The following GALNTL6 variants were observed in gnomAD, a reference collection of about 807,000 sequenced individuals.
GALNTL6 encodes the protein polypeptide N-acetylgalactosaminyltransferase-like 6.
In GALNTL6, 46 loss-of-function variants were observed where a neutral mutation model predicts 73.7. The observed-to-expected ratio is 0.62, with a 90% CI of 0.49 to 0.80. The LOEUF (loss-of-function observed/expected upper bound fraction) is 0.80, where lower values mean the gene tolerates loss of function less well. Ranked by LOEUF, GALNTL6 falls within the 30% of genes least tolerant of loss-of-function variation. The pLI, the probability that GALNTL6 is intolerant of heterozygous loss-of-function variation, is 0.00. For missense variants in GALNTL6, 604 were observed against 755.0 expected (o/e 0.80, Z 2.34); for synonymous variants, 259 against 263.7 (o/e 0.98, Z 0.17).
intron 2 of GALNTL6, among the ~76,000 whole-genome samples, chr4:172,116,342 T>C (rs556761218): frequency 1.8e-4 from 27 of 152,280 alleles, no homozygotes; most frequent in Middle Eastern, 3.4e-3. Flanking sequence ...TAATAAATTT[T>C]TGAAAAATCC....
At chr4:172,213,199 T>C (rs1233361780) in intron 2 of GALNTL6, among the ~76,000 whole-genome samples, 1 of 152,194 alleles carries the variant, frequency 6.6e-6, no homozygotes, top group African/African-American at 2.4e-5. Context: ...TTGAAGGACA[T>C]CTTAGTTGCT....
chr4:172,120,150 A>C (rs1733108494), intron 2 of GALNTL6, among the ~76,000 whole-genome samples: 1 of 152,234 alleles, frequency 6.6e-6, no homozygotes, highest in African/African-American at 2.4e-5. Flanking sequence ...TAATAGAGCC[A>C]TAATAGGGTC....
intron 5 of GALNTL6, among the ~76,000 whole-genome samples, chr4:172,705,758 G>C (rs1404316001): frequency 6.6e-6 from 1 of 151,982 alleles, no homozygotes; most frequent in Non-Finnish European, 1.5e-5. Flanking sequence ...ATTCTTGGTT[G>C]ACAGTTTTTT....
At chr4:172,884,178 T>C (rs1745598922) in intron 8 of GALNTL6, among the ~76,000 whole-genome samples, 1 of 152,178 alleles carries the variant, frequency 6.6e-6, no homozygotes, top group Admixed American at 6.5e-5. Flanking sequence ...TATTTTAGTA[T>C]TTTGAGGACG....
intron 4 of GALNTL6, among the ~76,000 whole-genome samples, chr4:172,315,777 C>T (rs1740523916): frequency 6.7e-6 from 1 of 149,002 alleles, no homozygotes; most frequent in African/African-American, 2.5e-5. Flanking sequence ...ATCTCGGTGG[C>T]CTGGTTTTAT....
chr4:172,877,825 C>T (rs903433968), intron 7 of GALNTL6, among the ~76,000 whole-genome samples: 8 of 151,822 alleles, frequency 5.3e-5, no homozygotes, highest in African/African-American at 1.9e-4. Context: ...TAGCAAAATT[C>T]AAAGCCTGAT....
intron 5 of GALNTL6, among the ~76,000 whole-genome samples, chr4:172,648,351 A>T (rs541970266): frequency 6.6e-6 from 1 of 152,274 alleles, no homozygotes; most frequent in East Asian, 1.9e-4. Context: ...ATTGCTTGTT[A>T]GGATGTCCAA....
chr4:171,837,705 TTA>T (rs942269655), intron 2 of GALNTL6, among the ~76,000 whole-genome samples: 1 of 147,244 alleles, frequency 6.8e-6, no homozygotes, highest in Non-Finnish European at 1.5e-5. Context: ...TTATATATAT[TTA>T]TATATATAAT....
At chr4:172,140,391 G>A (rs938395300) in intron 2 of GALNTL6, among the ~76,000 whole-genome samples, 3 of 151,990 alleles carry the variant, frequency 2.0e-5, no homozygotes, top group African/African-American at 7.2e-5. Flanking sequence ...GATAATATCA[G>A]AAATTCTAAT....
At chr4:172,836,841 T>C (rs1041983267) in intron 7 of GALNTL6, among the ~76,000 whole-genome samples, 3 of 152,166 alleles carry the variant, frequency 2.0e-5, no homozygotes, top group African/African-American at 4.8e-5. Flanking sequence ...GGAACATTGA[T>C]GATCTAATTG....
chr4:172,755,871 C>T (rs897041258), intron 5 of GALNTL6, among the ~76,000 whole-genome samples: 1 of 152,106 alleles, frequency 6.6e-6, no homozygotes, highest in Non-Finnish European at 1.5e-5. Context: ...ATTATATTTT[C>T]CTCAGTATCC....
chr4:171,994,776 G>A (rs187183330), intron 2 of GALNTL6, among the ~76,000 whole-genome samples: 8 of 151,762 alleles, frequency 5.3e-5, no homozygotes, highest in African/African-American at 1.2e-4. Flanking sequence ...TAGTTTATTC[G>A]TACTCCCAGA....
chr4:172,334,983 C>CTT (rs34428087), intron 4 of GALNTL6, among the ~76,000 whole-genome samples: 7 of 141,652 alleles, frequency 4.9e-5, no homozygotes, highest in Non-Finnish European at 7.7e-5. Flanking sequence ...AATCATATGA[C>CTT]TTTTTTTTTT....
intron 2 of GALNTL6, among the ~76,000 whole-genome samples, chr4:171,914,663 G>A (rs548400096): frequency 4.3e-4 from 65 of 151,192 alleles, no homozygotes; most frequent in South Asian, 1.5e-3. Flanking sequence ...CAATCTGCCC[G>A]TCTTGTCCTC....
chr4:172,184,754 A>G (rs567098025), intron 2 of GALNTL6, among the ~76,000 whole-genome samples: 32 of 152,256 alleles, frequency 2.1e-4, no homozygotes, highest in African/African-American at 7.5e-4. Flanking sequence ...AAAAACAGAA[A>G]TTCATTTCCT....
intron 5 of GALNTL6, among the ~76,000 whole-genome samples, chr4:172,458,559 A>C (rs1406247472): frequency 6.6e-6 from 1 of 152,162 alleles, no homozygotes; most frequent in African/African-American, 2.4e-5. Flanking sequence ...ATCCCACAGA[A>C]ATACAAACTA....
At chr4:172,005,787 A>G (rs550744050) in intron 2 of GALNTL6, among the ~76,000 whole-genome samples, 6 of 152,152 alleles carry the variant, frequency 3.9e-5, no homozygotes, top group Admixed American at 3.9e-4. Context: ...GAGGGGATGA[A>G]TGTTAATAAA....
chr4:172,114,459 A>G (rs1166445457), intron 2 of GALNTL6, among the ~76,000 whole-genome samples: 1 of 152,068 alleles, frequency 6.6e-6, no homozygotes, highest in East Asian at 1.9e-4. Flanking sequence ...CAGCAGGTAT[A>G]TATCTATAGA....
intron 7 of GALNTL6, among the ~76,000 whole-genome samples, chr4:172,829,224 G>A (rs1342482170): frequency 6.6e-6 from 1 of 152,228 alleles, no homozygotes; most frequent in East Asian, 1.9e-4. Context: ...AGGAAGAGAG[G>A]CAGGGTTCAG....
Sources: allele counts gnomAD v4.1 joint callset (sites outside exome capture counted in the v4.1 genomes callset), GRCh38; gene constraint gnomAD v4.1.1; transcripts MANE v1.5; gene names NCBI Gene and HGNC (gene_info 2026-07-23, HGNC 2026-07-21).